MTA2: variants seen among roughly 807,000 people sequenced by gnomAD.
The protein encoded by MTA2 is metastasis associated 1 family member 2.
A neutral mutation model predicts 87.1 loss-of-function variants in MTA2; 22 were observed. That is an observed-to-expected ratio of 0.25 (90% CI 0.18 to 0.36). MTA2 has a LOEUF of 0.36. Ranked by LOEUF, MTA2 falls within the 10% of genes least tolerant of loss-of-function variation. The probability of loss-of-function intolerance (pLI) is 1.00; values close to 1 mark genes in which losing one functional copy is unlikely to be tolerated. For missense variants in MTA2, 542 were observed against 853.2 expected, an observed-to-expected ratio of 0.64 and a Z score of 4.54; for synonymous variants, 314 against 310.1, an observed-to-expected ratio of 1.01 and a Z score of -0.13.
At chr11:62,600,358 G>C (rs2134327736) in intron 2 of MTA2, 99 bp from the exon 3 acceptor site, 1 of 1,095,962 alleles carries the variant, frequency 9.1e-7, no homozygotes, top group South Asian at 1.4e-5. Flanking sequence ...GTAAGTTTCA[G>C]AGGGACCTAA....
rs763072927 is a variant in MTA2, at chr11:62,598,156, A to C, written c.373-15T>G. 1.9e-6 allele frequency: 3 copies of C among 1,612,554 alleles called. No homozygotes were observed. In the South Asian group the frequency reaches 3.3e-5, roughly 18 times the overall value. On this transcript the variant is annotated splice_polypyrimidine_tract_variant and intron_variant, in intron 5 of 17. Transcript: ENST00000278823. ...AAAAAGCAGTCCTGGAATTGGGGAG[A>C]GACAAGGTAAGCAAGGCAGCAATCC...
intron 1 of MTA2, 122 bp downstream of exon 1, chr11:62,601,301 G>T: frequency 7.8e-7 from 1 of 1,281,892 alleles, no homozygotes. Context: ...TCCGGTTCCG[G>T]TCCGCGCTCC....
chr11:62,598,654 A>T lies in MTA2; in HGVS notation c.191-15T>A. ...TTCAAACTCCCCTGGGAGATTAAAG[A>T]GGAAGAAACCAAGTCAGAAATGGAT... is the stretch of plus-strand genomic sequence containing the variant. On this transcript the variant is annotated splice_polypyrimidine_tract_variant and intron_variant, in intron 3 of 17. Coordinates refer to ENST00000278823, the MANE Select transcript of MTA2 (RefSeq NM_004739.4). The T allele has an allele frequency of 6.2e-7, 1 of 1,609,604 alleles. No homozygotes were observed.
rs1189337764 is a variant in MTA2, at chr11:62,601,766, T to C, written c.-316A>G. The C allele has an allele frequency of 2.0e-6, 1 of 510,714 alleles. No homozygotes were observed. The highest frequency in any genetic ancestry group is 3.4e-6 in the Non-Finnish European group (1 of 293,384). 31.6% of individuals were successfully genotyped at this position (510,714 alleles called of 1,614,324 possible). On this transcript the variant is annotated 5_prime_UTR_variant, in exon 1 of 18. Coordinates refer to ENST00000278823, the MANE Select transcript of MTA2 (RefSeq NM_004739.4). ...CCCCGCCCCCGCGGAGTCCCACTAG[T>C]CGTTGGGCTCTGCCGGCCGCAGGGA...
Position 62,601,697 on chromosome 11 carries a change from G to T in MTA2, c.-247C>A. On this transcript the variant is annotated 5_prime_UTR_variant, in exon 1 of 18. Transcript: ENST00000278823. Reference sequence around the variant, plus strand: ...GCCCCCGTCCGCTCGGCTTCTTCCGGAACGAGCTCGGCTCCTGCCAGGCCA... The same window carrying T: ...GCCCCCGTCCGCTCGGCTTCTTCCGTAACGAGCTCGGCTCCTGCCAGGCCA... The T allele has an allele frequency of 1.9e-6, 1 of 531,856 alleles. No individual in the cohort carries two copies. Among genetic ancestry groups the T allele is most frequent in the South Asian group, 2.5e-5 (1 of 39,892 alleles). 32.9% of individuals were successfully genotyped at this position (531,856 alleles called of 1,614,324 possible). A position where few individuals can be genotyped will look rare whatever the true frequency, so the allele number is the denominator to read the frequency against.
Position 62,595,674 on chromosome 11 carries a change from G to C in MTA2, c.1254+78C>G, listed in dbSNP as rs926097691. 1 of 1,580,028 alleles carries C rather than the reference G, an allele frequency of 6.3e-7. No individual in the cohort carries two copies. The highest frequency in any genetic ancestry group is 8.6e-7 in the Non-Finnish European group (1 of 1,160,626). On this transcript the variant is annotated intron_variant, in intron 13 of 17. Transcript: ENST00000278823. This position sits in a 1 kb window ranked among gnomAD's most constrained non-coding sequence, Gnocchi z 4.9. Reference sequence around the variant, plus strand: ...TCAAACCATCACCATATAAAGAGTTGAATATTCTGGCCTTCACCTAAGCTC... The same window carrying C: ...TCAAACCATCACCATATAAAGAGTTCAATATTCTGGCCTTCACCTAAGCTC...
chr11:62,595,937 T>TA lies in MTA2; in HGVS notation c.1115-47dup. 6.2e-7 allele frequency: 1 copy of TA among 1,614,078 alleles called. No individual in the cohort carries two copies. The highest frequency in any genetic ancestry group is 8.5e-7 in the Non-Finnish European group (1 of 1,180,000). On this transcript the variant is annotated intron_variant, in intron 12 of 17. Coordinates refer to ENST00000278823, the MANE Select transcript of MTA2 (RefSeq NM_004739.4). The surrounding 1 kb of genome is among the most constrained non-coding windows in gnomAD (Gnocchi z 4.9). ...GGGGACAGGGAAGAAGCATACTACC[T>TA]AAGCCCCTCAGATTCTTGAGCCACA...
rs377670983 is a variant in MTA2, at chr11:62,596,548, G to A, written c.883-16C>T. The A allele has an allele frequency of 7.7e-5, 124 of 1,613,914 alleles. No homozygotes were observed. In the African/African-American group the frequency reaches 1.5e-3, roughly 20 times the overall value. ...TCCAGGGTAGCTAAGGGGGGCAGAG[G>A]GAGGAAGAATGAGCTGGCATCTGGC... On this transcript the variant is annotated splice_polypyrimidine_tract_variant and intron_variant, in intron 9 of 17. Transcript: ENST00000278823.
At chr11:62,600,306 T>C in intron 2 of MTA2, 47 bp from the exon 3 acceptor site, 7 of 1,527,302 alleles carry the variant, frequency 4.6e-6, no homozygotes, top group Middle Eastern at 1.7e-4. Context: ...GCAGTGGAAA[T>C]TGATCATCTG....
chr11:62,597,449 A>G lies in MTA2; in HGVS notation c.594-34T>C, dbSNP rs767449497. On this transcript the variant is annotated intron_variant, in intron 7 of 17. Coordinates refer to ENST00000278823, the MANE Select transcript of MTA2 (RefSeq NM_004739.4). The stretch of plus-strand genomic sequence containing the variant: ...GAAATTGAGAAGTCAAAAGCGAAAG[A>G]AAAGTCAAAAGCCCAAGTGGGCTGG... The G allele has an allele frequency of 5.0e-6, 8 of 1,590,284 alleles. No homozygotes were observed. In the South Asian group the frequency reaches 6.8e-5, roughly 13 times the overall value.
Position 62,601,579 on chromosome 11 carries a change from G to A in MTA2, c.-129C>T. ...AGGGAGTCTCACTGGGGCCCGCGCA[G>A]CCGGCACCTCCGCTGCCTCAGCCGT... On this transcript the variant is annotated 5_prime_UTR_variant, in exon 1 of 18. Coordinates refer to ENST00000278823, the MANE Select transcript of MTA2 (RefSeq NM_004739.4). The A allele has an allele frequency of 1.8e-6, 2 of 1,103,634 alleles. No homozygotes were observed. Among genetic ancestry groups the A allele is most frequent in the South Asian group, 1.6e-5 (1 of 61,092 alleles). The allele number at this position is 1,103,634 out of a possible 1,614,324, so 68.4% of individuals were successfully genotyped here. A position where few individuals can be genotyped will look rare whatever the true frequency, so the allele number is the denominator to read the frequency against.
rs1044847282 is a variant in MTA2, at chr11:62,594,902, A to C, written c.1573+79T>G. On this transcript the variant is annotated intron_variant, in intron 15 of 17. Coordinates refer to ENST00000278823, the MANE Select transcript of MTA2 (RefSeq NM_004739.4). ...AATCTCTGAGGACACTATGAGGAAGAAAAAAAGCAAGGGGAGAGATGTCAG... is the reference window on the plus strand; with the variant it reads ...AATCTCTGAGGACACTATGAGGAAGCAAAAAAGCAAGGGGAGAGATGTCAG... 4 of 1,334,934 alleles carry C rather than the reference A, an allele frequency of 3.0e-6. No individual in the cohort carries two copies. The East Asian group carries it at 6.9e-5, about 23-fold the overall frequency. The allele number at this position is 1,334,934 out of a possible 1,614,324, so 82.7% of individuals were successfully genotyped here. A position where few individuals can be genotyped will look rare whatever the true frequency, so the allele number is the denominator to read the frequency against.
rs765194814 is a variant in MTA2 at position 62,594,037 on chromosome 11, G to T, written c.1845C>A (p.Ala615=). 7 of 1,593,594 alleles carry T rather than the reference G, an allele frequency of 4.4e-6. No individual in the cohort carries two copies. The highest frequency in any genetic ancestry group is 6.0e-6 in the Non-Finnish European group (7 of 1,170,952). ...CCAGATGGGTCAGAGCCTTCCGTAG[G>T]GCCCTGGCCAGAAAGAGCAAGTGGG... is the stretch of plus-strand genomic sequence containing the variant. ...VVFVATKDTR[A]LRKALTHLEM... Residue 615 remains alanine (A), a synonymous_variant, in exon 18 of 18, where the codon GCC becomes GCA. Coordinates refer to ENST00000278823, the MANE Select transcript of MTA2 (RefSeq NM_004739.4).
rs535789302 is a variant in MTA2 at position 62,593,730 on chromosome 11, C to A, written c.*145G>T. Reference sequence around the variant, plus strand: ...GTCTCGAGGTGGTAACACCAGAGGGCGCCCAACCCCTCCAGGGACACACAC... The same window carrying A: ...GTCTCGAGGTGGTAACACCAGAGGGAGCCCAACCCCTCCAGGGACACACAC... On this transcript the variant is annotated 3_prime_UTR_variant, in exon 18 of 18. Coordinates refer to ENST00000278823, the MANE Select transcript of MTA2 (RefSeq NM_004739.4). The A allele has an allele frequency of 7.0e-6, 7 of 996,016 alleles. No individual in the cohort carries two copies. In the East Asian group the frequency reaches 1.6e-4, roughly 23 times the overall value. The allele number at this position is 996,016 out of a possible 1,614,324, so 61.7% of individuals were successfully genotyped here.
intron 6 of MTA2, 33 bp from the exon 7 acceptor site, chr11:62,597,745 A>C: frequency 6.4e-7 from 1 of 1,570,304 alleles, no homozygotes. Context: ...CAACAGGGAG[A>C]GGGCAGGGGG....
intron 2 of MTA2, 180 bp from the exon 3 acceptor site, chr11:62,600,439 C>A: frequency 1.3e-6 from 1 of 795,204 alleles, no homozygotes; most frequent in African/African-American, 1.7e-5. Context: ...CTTTCCTTTG[C>A]CCCCAAGAGA....
chr11:62,597,374 G>C lies in MTA2; in HGVS notation c.635C>G (p.Ser212Cys). The change falls in exon 8 of 18, where the codon TCC becomes TGC. Residue 212 changes from serine (S) to cysteine (C), a missense_variant. By Grantham distance (112) the Ser-to-Cys change is moderately radical. Transcript: ENST00000278823. ...CATGTGCAAGCTTGGCTGCCGAATG[G>C]AGCTGCTACAATCTAGGGCTCTTGC... is the stretch of plus-strand genomic sequence containing the variant. ...TFARALDCSSSIRQPSLHMSA... is the reference protein window; with the variant it reads ...TFARALDCSSCIRQPSLHMSA... 2 of 1,612,460 alleles carry C rather than the reference G, an allele frequency of 1.2e-6. No homozygotes were observed. Among genetic ancestry groups the C allele is most frequent in the African/African-American group, 1.3e-5 (1 of 74,970 alleles).
rs751708553 is a variant in MTA2, at chr11:62,596,281, G to A, written c.1014C>T (p.Thr338=). 2.7e-5 allele frequency: 44 copies of A among 1,614,016 alleles called. No individual in the cohort carries two copies. The South Asian group carries it at 4.6e-4, about 17-fold the overall frequency. The change falls in exon 11 of 18, where the codon ACC becomes ACT. Residue 338 remains threonine, a splice_region_variant and synonymous_variant. Transcript: ENST00000278823. Reference sequence around the variant, plus strand: ...TCTCCCCTACCCACCACACTTACTAGGTGGGAATGTAGACCTGTTTCAGTT... The same window carrying A: ...TCTCCCCTACCCACCACACTTACTAAGTGGGAATGTAGACCTGTTTCAGTT... ...DSKLKQVYIP[T]YTKPNPNQII...
chr11:62,597,652 G>C lies in MTA2; in HGVS notation c.551C>G (p.Pro184Arg). 2 of 1,614,166 alleles carry C rather than the reference G, an allele frequency of 1.2e-6. No homozygotes were observed. The highest frequency in any genetic ancestry group is 8.5e-7 in the Non-Finnish European group (1 of 1,180,022). ...CTGGTCGATCTGCCGGTCTGTGAGAGGGTTGTCTGGGTCCCAGACCTTCAT... is the reference window on the plus strand; with the variant it reads ...CTGGTCGATCTGCCGGTCTGTGAGACGGTTGTCTGGGTCCCAGACCTTCAT... ...MEMKVWDPDN[P>R]LTDRQIDQFL... Residue 184 changes from proline to arginine, a missense_variant, in exon 7 of 18, where the codon CCT (proline) becomes CGT (arginine). This residue lies in a region of MTA2 where 150 missense variants were observed against 243.9 expected (regional missense o/e 0.62). Coordinates refer to ENST00000278823, the MANE Select transcript of MTA2 (RefSeq NM_004739.4).
Sources: gnomAD v4.1 joint callset for allele counts on GRCh38, gnomAD v4.1.1 for gene constraint, gnomAD v4.1.1 regional missense constraint, Gnocchi (gnomAD v3.1) non-coding constraint, MANE v1.5 for transcripts, NCBI Gene and HGNC (gene_info 2026-07-23, HGNC 2026-07-21) for gene names.